BBS9: variants seen among roughly 807,000 people sequenced by gnomAD.
BBS9 encodes the protein Bardet-Biedl syndrome 9.
A neutral mutation model predicts 117.7 loss-of-function variants in BBS9; 89 were observed. The observed-to-expected ratio is 0.76, with a 90% CI of 0.64 to 0.90. BBS9 has a LOEUF of 0.90. Among genes scored for constraint, BBS9 ranks in the 40% least tolerant of loss-of-function variants. The pLI is 0.00. For synonymous variants in BBS9, 379 were observed against 370.9 expected (o/e 1.02, Z -0.25); for missense variants, 982 against 1,042.2 (o/e 0.94, Z 0.80).
intron 19 of BBS9, among the ~76,000 whole-genome samples, chr7:33,440,986 A>G (rs979730781): frequency 1.3e-5 from 2 of 152,224 alleles, no homozygotes; most frequent in Non-Finnish European, 2.9e-5. Context: ...TATTGGTTAT[A>G]CAGGTAGATA....
At chr7:33,349,193 A>G (rs762561724) in intron 13 of BBS9, 23 bp downstream of exon 13, 2 of 1,529,364 alleles carry the variant, frequency 1.3e-6, no homozygotes, top group Non-Finnish European at 1.8e-6. Context: ...TTTTGGCTGA[A>G]AGTCTACCAT....
At chr7:33,535,478 A>G (rs1025022608) in intron 21 of BBS9, among the ~76,000 whole-genome samples, 1 of 152,194 alleles carries the variant, frequency 6.6e-6, no homozygotes, top group Non-Finnish European at 1.5e-5. Context: ...CATAGGTAGA[A>G]GCCAACTTTA....
chr7:33,442,785 G>A (rs555790421), intron 19 of BBS9, among the ~76,000 whole-genome samples: 20 of 152,100 alleles, frequency 1.3e-4, no homozygotes, highest in African/African-American at 4.6e-4. Context: ...CATTAGCTTG[G>A]TGTTTATCAG....
intron 19 of BBS9, among the ~76,000 whole-genome samples, chr7:33,449,914 G>A (rs969348466): frequency 6.6e-6 from 1 of 152,072 alleles, no homozygotes; most frequent in African/African-American, 2.4e-5. Flanking sequence ...GTTTCCAAGT[G>A]TATAGTACAA....
At chr7:33,239,546 A>T (rs1794117333) in intron 5 of BBS9, among the ~76,000 whole-genome samples, 1 of 152,068 alleles carries the variant, frequency 6.6e-6, no homozygotes, top group African/African-American at 2.4e-5. Flanking sequence ...AGTAGCTGGG[A>T]TTACAGGCAC....
intron 19 of BBS9, among the ~76,000 whole-genome samples, chr7:33,442,787 G>A (rs1210595162): frequency 6.6e-6 from 1 of 152,008 alleles, no homozygotes; most frequent in Non-Finnish European, 1.5e-5. Flanking sequence ...TTAGCTTGGT[G>A]TTTATCAGAT....
intron 21 of BBS9, among the ~76,000 whole-genome samples, chr7:33,546,686 T>C (rs1853429486): frequency 1.3e-5 from 2 of 152,156 alleles, no homozygotes; most frequent in African/African-American, 4.8e-5. Flanking sequence ...TTTTAAAGAG[T>C]TCCCTTGGCC....
intron 1 of BBS9, among the ~76,000 whole-genome samples, chr7:33,145,725 A>G (rs927980082): frequency 2.0e-5 from 3 of 152,166 alleles, no homozygotes; most frequent in African/African-American, 7.2e-5. Flanking sequence ...AAACCTGTGG[A>G]TATGGAAGAC....
In BBS9 at chr7:33,501,483, G is replaced by C. The variant is rs532550583; in HGVS notation, c.2116-3980G>C. On this transcript the variant is annotated intron_variant, in intron 19 of 22. Coordinates refer to ENST00000242067, the MANE Select transcript of BBS9 (RefSeq NM_198428.3). ...AATGGCACAGGAATATATCCAATGA[G>C]ACTGAGACTTAGACGATGCTTCTGT... 5.9e-5 allele frequency among the ~76,000 whole-genome samples: 9 copies of C among 152,282 alleles called. No homozygotes were observed. The East Asian group carries it at 7.7e-4, about 13-fold the overall frequency.
At chr7:33,514,644 T>A (rs1278858248) in intron 20 of BBS9, among the ~76,000 whole-genome samples, 1 of 152,136 alleles carries the variant, frequency 6.6e-6, no homozygotes, top group Non-Finnish European at 1.5e-5. Flanking sequence ...ATAGAATAAG[T>A]TTTTTCTTCT....
At chr7:33,403,842 G>A (rs1421379761) in intron 19 of BBS9, among the ~76,000 whole-genome samples, 1 of 152,050 alleles carries the variant, frequency 6.6e-6, no homozygotes, top group Non-Finnish European at 1.5e-5. Context: ...GTAATGGGAT[G>A]GCTGGGTCAA....
chr7:33,367,987 C>T, intron 17 of BBS9, 125 bp downstream of exon 17: 3 of 792,770 alleles, frequency 3.8e-6, no homozygotes, highest in Admixed American at 2.0e-5. Context: ...AACTAAAAGC[C>T]ATGATATTAA....
At chr7:33,586,379 TA>T (rs35147816) in intron 21 of BBS9, among the ~76,000 whole-genome samples, 2 of 149,604 alleles carry the variant, frequency 1.3e-5, no homozygotes, top group Non-Finnish European at 1.5e-5. Context: ...TGTTAAGAAG[TA>T]AAAAAAAATA....
intron 16 of BBS9, among the ~76,000 whole-genome samples, chr7:33,366,196 C>G (rs1821678282): frequency 1.3e-5 from 2 of 152,152 alleles, no homozygotes; most frequent in Non-Finnish European, 2.9e-5. Flanking sequence ...TTGGTTACCT[C>G]AGTGGCAAAA....
intron 21 of BBS9, among the ~76,000 whole-genome samples, chr7:33,546,563 C>G (rs2129081824): frequency 6.6e-6 from 1 of 152,250 alleles, no homozygotes; most frequent in East Asian, 1.9e-4. Flanking sequence ...TGTTATTTTA[C>G]TAGAACATTA....
chr7:33,211,074 G>T (rs1297909491), intron 5 of BBS9, among the ~76,000 whole-genome samples: 2 of 152,180 alleles, frequency 1.3e-5, no homozygotes, highest in African/African-American at 4.8e-5. Context: ...TTTAGGTGAA[G>T]TGTGTTTCTT....
chr7:33,166,365 G>A (rs1795684815), intron 4 of BBS9, among the ~76,000 whole-genome samples: 1 of 152,244 alleles, frequency 6.6e-6, no homozygotes, highest in Admixed American at 6.5e-5. Context: ...AAAACACCAT[G>A]CTGGGAGAAC....
intron 9 of BBS9, among the ~76,000 whole-genome samples, chr7:33,333,048 A>T (rs1429408644): frequency 6.6e-6 from 1 of 151,976 alleles, no homozygotes; most frequent in Admixed American, 6.6e-5. Context: ...TACAAATCTG[A>T]CTACTCTAGG....
At chr7:33,321,926 A>G (rs1434146414) in intron 9 of BBS9, among the ~76,000 whole-genome samples, 3 of 151,838 alleles carry the variant, frequency 2.0e-5, no homozygotes, top group African/African-American at 2.4e-5. Flanking sequence ...TTTTTTTATC[A>G]TGAAAGGATG....
Sources: gnomAD v4.1 joint callset for allele counts (sites outside exome capture counted in the v4.1 genomes callset) on GRCh38, gnomAD v4.1.1 for gene constraint, MANE v1.5 for transcripts, NCBI Gene and HGNC (gene_info 2026-07-23, HGNC 2026-07-21) for gene names.